HSD17B11: variants seen among roughly 807,000 people sequenced by gnomAD.
HSD17B11 encodes estradiol 17-beta-dehydrogenase 11.
A neutral mutation model predicts 27.8 loss-of-function variants in HSD17B11; 22 were observed. The ratio of observed to expected loss-of-function variants is 0.79; its 90% CI spans 0.56 to 1.13. HSD17B11 has a LOEUF of 1.13. Among genes scored for constraint, HSD17B11 ranks in the 50% most tolerant of loss-of-function variants. The pLI is 0.00. For synonymous variants in HSD17B11, 117 were observed against 132.8 expected, an observed-to-expected ratio of 0.88 and a Z score of 0.82; for missense variants, 314 against 351.1, an observed-to-expected ratio of 0.89 and a Z score of 0.84.
chr4:87,347,103 A>ATTTTTTTTTT (rs763068482), intron 5 of HSD17B11, among the ~76,000 whole-genome samples: 7 of 62,592 alleles, frequency 1.1e-4, no homozygotes, highest in East Asian at 6.2e-4. Context: ...AGTATTCTGG[A>ATTTTTTTTTT]TTTTTTTTTT....
At chr4:87,356,079 C>T (rs779322327) in intron 5 of HSD17B11, among the ~76,000 whole-genome samples, 3 of 152,132 alleles carry the variant, frequency 2.0e-5, no homozygotes, top group Admixed American at 6.5e-5. Flanking sequence ...TGATTCTTCG[C>T]GTACTGGATT....
intron 1 of HSD17B11, 114 bp downstream of exon 1, chr4:87,390,747 A>AT (rs147178931): frequency 5.8e-4 from 490 of 838,146 alleles, no homozygotes; most frequent in Non-Finnish European, 7.5e-4. Flanking sequence ...GGCAATACTA[A>AT]TTTTTTTTTC....
At chr4:87,355,264 A>T (rs1445347871) in intron 5 of HSD17B11, among the ~76,000 whole-genome samples, 1 of 152,200 alleles carries the variant, frequency 6.6e-6, no homozygotes, top group Non-Finnish European at 1.5e-5. Flanking sequence ...AAACTCATTA[A>T]CTATTTGGAA....
At chr4:87,375,050 C>T (rs1009948297) in intron 2 of HSD17B11, among the ~76,000 whole-genome samples, 4 of 151,998 alleles carry the variant, frequency 2.6e-5, no homozygotes, top group South Asian at 2.1e-4. Flanking sequence ...CATGCAACCA[C>T]GCCACACCTG....
chr4:87,389,190 G>T (rs1039400391), intron 1 of HSD17B11, among the ~76,000 whole-genome samples: 1 of 151,996 alleles, frequency 6.6e-6, no homozygotes, highest in Non-Finnish European at 1.5e-5. Flanking sequence ...CATTGCTCTT[G>T]TAATTACTTT....
At chr4:87,368,187 G>A (rs893140661) in intron 4 of HSD17B11, among the ~76,000 whole-genome samples, 3 of 152,028 alleles carry the variant, frequency 2.0e-5, no homozygotes, top group Non-Finnish European at 2.9e-5. Context: ...TGTGGTGGCG[G>A]GCACCTGTAG....
rs1331309917 is a variant in HSD17B11, at chr4:87,372,794, C to A, written c.472G>T (p.Ala158Ser). The A allele has an allele frequency of 6.2e-6, 10 of 1,611,434 alleles. No homozygotes were observed. The East Asian group carries it at 2.2e-4, about 36-fold the overall frequency. The change falls in exon 4 of 7, where the codon GCA (alanine) becomes TCA (serine). Residue 158 changes from alanine to serine, a missense_variant. Ala to Ser is a moderately conservative substitution (Grantham distance 99). Coordinates refer to ENST00000358290, the MANE Select transcript of HSD17B11 (RefSeq NM_016245.5). ...TGGCCATGGTTATTCTTCGTCATTG[C>A]AGGAAGAAATGCCTTTGTAGTCTAC... is the stretch of plus-strand genomic sequence containing the variant. ...HFWTTKAFLPAMTKNNHGHIV... is the reference protein window; with the variant it reads ...HFWTTKAFLPSMTKNNHGHIV...
At position 87,336,796 on chromosome 4, in the gene HSD17B11, C is replaced by T. The variant is rs1377088704; in HGVS notation, c.*480G>A. The T allele has an allele frequency of 2.6e-5, 4 of 156,192 alleles. No individual in the cohort carries two copies. The highest frequency in any genetic ancestry group is 9.7e-5 in the African/African-American group (4 of 41,426). The allele number at this position is 156,192 out of a possible 1,614,324, so 9.7% of individuals were successfully genotyped here. A position where few individuals can be genotyped will look rare whatever the true frequency, so the allele number is the denominator to read the frequency against. ...AGAGTGGCAATGGGTAGGATGAAAC[C>T]TACCCATTGAGAGTTCATGATATTC... On this transcript the variant is annotated 3_prime_UTR_variant, in exon 7 of 7. Transcript: ENST00000358290.
intron 1 of HSD17B11, among the ~76,000 whole-genome samples, chr4:87,389,714 T>C (rs1203485774): frequency 6.6e-6 from 1 of 152,212 alleles, no homozygotes; most frequent in Non-Finnish European, 1.5e-5. Flanking sequence ...GTTTACAGCA[T>C]TGCATGTCAA....
chr4:87,346,905 A>T (rs1384246161), intron 5 of HSD17B11, among the ~76,000 whole-genome samples: 1 of 150,576 alleles, frequency 6.6e-6, no homozygotes, highest in African/African-American at 2.4e-5. Context: ...AAAAAATTTT[A>T]AAAACTATTT....
rs559404665 is a variant in HSD17B11 at position 87,379,449 on chromosome 4, G to A, written c.318+2806C>T. Among the ~76,000 whole-genome samples the A allele has an allele frequency of 4.8e-3, 696 of 145,722 alleles. 5 individuals carry two copies. The highest frequency in any genetic ancestry group is 0.016 in the African/African-American group (652 of 39,902). ...TCAGAATTACTTGGGCAGATTCCTG[G>A]ATATATATATAATATTTATATTGTT... is the stretch of plus-strand genomic sequence containing the variant. On this transcript the variant is annotated intron_variant, in intron 2 of 6. Transcript: ENST00000358290.
intron 1 of HSD17B11, among the ~76,000 whole-genome samples, chr4:87,390,155 A>C (rs1221807607): frequency 2.0e-5 from 3 of 151,968 alleles, no homozygotes; most frequent in Non-Finnish European, 2.9e-5. Context: ...GTTGAGTATA[A>C]TCTTTTTGTT....
intron 1 of HSD17B11, among the ~76,000 whole-genome samples, chr4:87,386,497 C>T (rs1296969075): frequency 6.6e-6 from 1 of 152,062 alleles, no homozygotes; most frequent in Non-Finnish European, 1.5e-5. Flanking sequence ...GCCACTGCAC[C>T]CGGCCGGTGC....
At chr4:87,364,927 G>C (rs1248205156) in intron 4 of HSD17B11, among the ~76,000 whole-genome samples, 2 of 152,242 alleles carry the variant, frequency 1.3e-5, no homozygotes, top group Non-Finnish European at 2.9e-5. Context: ...CCAGCACTTT[G>C]GGAGGCTGAG....
At position 87,391,098 on chromosome 4, in the gene HSD17B11, TG is replaced by T. The variant is rs748608537; in HGVS notation, c.-29del. On this transcript the variant is annotated 5_prime_UTR_variant, in exon 1 of 7. Transcript: ENST00000358290. Reference sequence around the variant, plus strand: ...CTTTTGTGGCTGCGAGCGTTTGGTGTGTTTTTTTTTTTTTTTACCACTCTAA... The same window carrying T: ...CTTTTGTGGCTGCGAGCGTTTGGTGTTTTTTTTTTTTTTTTACCACTCTAA... The T allele has an allele frequency of 2.1e-5, 32 of 1,504,776 alleles. No individual in the cohort carries two copies. The highest frequency in any genetic ancestry group is 1.2e-4 in the African/African-American group (7 of 57,626). The allele number at this position is 1,504,776 out of a possible 1,614,324, so 93.2% of individuals were successfully genotyped here.
chr4:87,361,639 C>T (rs1735518189), intron 4 of HSD17B11, among the ~76,000 whole-genome samples: 1 of 152,132 alleles, frequency 6.6e-6, no homozygotes, highest in Non-Finnish European at 1.5e-5. Flanking sequence ...TGGTGGCGGG[C>T]ACCTGTAGTC....
At chr4:87,388,265 A>G (rs1242192622) in intron 1 of HSD17B11, among the ~76,000 whole-genome samples, 1 of 152,180 alleles carries the variant, frequency 6.6e-6, no homozygotes, top group African/African-American at 2.4e-5. Flanking sequence ...TTATTAACAC[A>G]AAATTCTACA....
intron 2 of HSD17B11, among the ~76,000 whole-genome samples, chr4:87,378,871 T>A (rs866619177): frequency 0.036 from 933 of 26,160 alleles, 209 homozygotes; most frequent in South Asian, 0.076. Context: ...TATATAAATA[T>A]ATATATATAA....
chr4:87,358,581 A>G (rs968513722), intron 4 of HSD17B11, among the ~76,000 whole-genome samples: 1 of 152,170 alleles, frequency 6.6e-6, no homozygotes, highest in Non-Finnish European at 1.5e-5. Context: ...TTTTTGATAT[A>G]TAATTAACTT....
Sources: allele counts gnomAD v4.1 joint callset (sites outside exome capture counted in the v4.1 genomes callset), GRCh38; gene constraint gnomAD v4.1.1; transcripts MANE v1.5; gene names NCBI Gene and HGNC (gene_info 2026-07-23, HGNC 2026-07-21).